Variants in GOLGA5 observed in about 807,000 individuals in gnomAD.
GOLGA5 encodes golgin A5, also known as golgin subfamily A member 5.
In GOLGA5, 50 loss-of-function variants were observed where a neutral mutation model predicts 93.5. That is an observed-to-expected ratio of 0.53 (90% CI 0.43 to 0.68). The LOEUF is 0.68. GOLGA5 is among the 30% of genes least tolerant of loss of function. The probability of loss-of-function intolerance (pLI) is 0.00; values close to 1 mark genes in which losing one functional copy is unlikely to be tolerated. For missense variants in GOLGA5, 760 were observed against 856.4 expected (o/e 0.89, Z 1.40); for synonymous variants, 312 against 304.5 (o/e 1.02, Z -0.26).
rs1885716058 is a variant in GOLGA5, at chr14:92,839,543, ATTATT to A, written c.*102_*106del. On this transcript the variant is annotated 3_prime_UTR_variant, in exon 13 of 13. Coordinates refer to ENST00000163416, the MANE Select transcript of GOLGA5 (RefSeq NM_005113.4). Reference sequence around the variant, plus strand: ...AAAATTTCTGAGAACAGTGCACAAGATTATTTTATCACTACAAGCTTTTAACTTTT... The same window carrying A: ...AAAATTTCTGAGAACAGTGCACAAGATTATCACTACAAGCTTTTAACTTTT... 2.7e-6 allele frequency: 2 copies of A among 741,906 alleles called. No homozygotes were observed. Among genetic ancestry groups the A allele is most frequent in the Admixed American group, 2.1e-5 (1 of 47,852 alleles). The allele number at this position is 741,906 out of a possible 1,614,324, so 46.0% of individuals were successfully genotyped here.
chr14:92,809,806 A>C (rs1595594278), intron 4 of GOLGA5, among the ~76,000 whole-genome samples: 1 of 152,250 alleles, frequency 6.6e-6, no homozygotes, highest in East Asian at 1.9e-4. Context: ...ATACAGAAAA[A>C]AAATTAGCCG....
rs143810800 is a variant in GOLGA5, at chr14:92,836,615, T to C, written c.2052-771T>C. ...ATTGCTTCCACACTATTTATTCAAA[T>C]GCATGAGTTTATAGCTTTGTACCTT... On this transcript the variant is annotated intron_variant, in intron 11 of 12. Coordinates refer to ENST00000163416, the MANE Select transcript of GOLGA5 (RefSeq NM_005113.4). Among the ~76,000 whole-genome samples the C allele has an allele frequency of 2.6e-3, 401 of 152,302 alleles. 2 individuals are homozygous for C. The highest frequency in any genetic ancestry group is 9.1e-3 in the African/African-American group (380 of 41,562).
chr14:92,817,195 C>T (rs1367848187), intron 7 of GOLGA5, among the ~76,000 whole-genome samples: 1 of 152,136 alleles, frequency 6.6e-6, no homozygotes, highest in Non-Finnish European at 1.5e-5. Context: ...CCCACCTCGG[C>T]CTCCCAAAGT....
At chr14:92,827,263 G>C (rs990045518) in intron 9 of GOLGA5, among the ~76,000 whole-genome samples, 2 of 151,718 alleles carry the variant, frequency 1.3e-5, no homozygotes, top group African/African-American at 4.8e-5. Context: ...CCTGCATCAA[G>C]CAAGTCTGTC....
intron 2 of GOLGA5, among the ~76,000 whole-genome samples, chr14:92,804,358 G>A (rs532717357): frequency 1.6e-4 from 24 of 151,912 alleles, no homozygotes; most frequent in African/African-American, 4.8e-4. Context: ...GAGCCACCAC[G>A]CCTGGCCTAC....
chr14:92,831,526 A>G (rs1885530574), intron 9 of GOLGA5, among the ~76,000 whole-genome samples: 1 of 152,166 alleles, frequency 6.6e-6, no homozygotes, highest in African/African-American at 2.4e-5. Flanking sequence ...CAGAATAGTG[A>G]TTGTCTAGGG....
chr14:92,838,714 T>G (rs951085941), intron 12 of GOLGA5, among the ~76,000 whole-genome samples: 4 of 152,148 alleles, frequency 2.6e-5, no homozygotes, highest in Non-Finnish European at 5.9e-5. Context: ...AAAAAAAAAT[T>G]GAATGGCATC....
At position 92,839,815 on chromosome 14, in the gene GOLGA5, G is replaced by GTT. The variant is rs35119877; in HGVS notation, c.*377_*378dup. 8.3e-3 allele frequency: 1,688 copies of GTT among 203,984 alleles called. No individual in the cohort carries two copies. Among genetic ancestry groups the GTT allele is most frequent in the Middle Eastern group, 0.022 (13 of 596 alleles). 12.6% of individuals were successfully genotyped at this position (203,984 alleles called of 1,614,324 possible). ...TTGTATTTAGTGACAAAAATAAAAA[G>GTT]TTTTTTTTTATAATTCAGTCTGCTT... On this transcript the variant is annotated 3_prime_UTR_variant, in exon 13 of 13. Transcript: ENST00000163416.
At chr14:92,810,129 CTAAGAA>C in intron 4 of GOLGA5, 119 bp from the exon 5 acceptor site, 1 of 638,656 alleles carries the variant, frequency 1.6e-6, no homozygotes, top group Non-Finnish European at 2.7e-6. Flanking sequence ...AAAGATTTAT[CTAAGAA>C]TATTTCAGTC....
At chr14:92,829,875 ATCTTATT>A (rs1885492927) in intron 9 of GOLGA5, among the ~76,000 whole-genome samples, 1 of 152,000 alleles carries the variant, frequency 6.6e-6, no homozygotes, top group Non-Finnish European at 1.5e-5. Context: ...CTTTGTTGTT[ATCTTATT>A]TTAAGAAATT....
chr14:92,809,005 T>C (rs1885049173), intron 3 of GOLGA5, among the ~76,000 whole-genome samples: 1 of 152,224 alleles, frequency 6.6e-6, no homozygotes. Flanking sequence ...TTACAAAATA[T>C]ACTCTGCTAT....
intron 2 of GOLGA5, among the ~76,000 whole-genome samples, chr14:92,799,730 C>T (rs11847520): frequency 3.2e-3 from 486 of 152,224 alleles, no homozygotes; most frequent in Middle Eastern, 0.014. Context: ...TTCAGCCTCC[C>T]GAGTAGCTGG....
intron 11 of GOLGA5, among the ~76,000 whole-genome samples, chr14:92,836,550 G>GA (rs1483033316): frequency 5.3e-5 from 8 of 152,120 alleles, no homozygotes; most frequent in Admixed American, 3.3e-4. Flanking sequence ...TCTTGATAGG[G>GA]AAAAAAATGT....
In GOLGA5 at chr14:92,797,878, A is replaced by G. The variant is rs1302448205; in HGVS notation, c.441A>G (p.Thr147=). Residue 147 remains threonine (T), a synonymous_variant, in exon 2 of 13, where the codon ACA becomes ACG. Coordinates refer to ENST00000163416, the MANE Select transcript of GOLGA5 (RefSeq NM_005113.4). The stretch of plus-strand genomic sequence containing the variant: ...AAATCAGAAAGGAAAAAGGCAAGAC[A>G]CCTGTCTTTCAGAGCTCTCAGACAT... ...RVEIRKEKGK[T]PVFQSSQTSS... is the part of the protein sequence containing the mutation. 1.9e-6 allele frequency: 3 copies of G among 1,612,684 alleles called. No homozygotes were observed. Among genetic ancestry groups the G allele is most frequent in the Admixed American group, 1.7e-5 (1 of 60,026 alleles).
chr14:92,799,282 TTTTTTC>T (rs1595588791), intron 2 of GOLGA5, among the ~76,000 whole-genome samples: 1 of 144,198 alleles, frequency 6.9e-6, no homozygotes, highest in Admixed American at 6.8e-5. Flanking sequence ...ATTTTTTTTT[TTTTTTC>T]TTTTTTGAGA....
At chr14:92,818,040 C>G (rs956146920) in intron 7 of GOLGA5, among the ~76,000 whole-genome samples, 2 of 151,722 alleles carry the variant, frequency 1.3e-5, no homozygotes, top group Non-Finnish European at 2.9e-5. Flanking sequence ...AATTTGAATT[C>G]CAAAGAATTC....
chr14:92,827,979 G>A (rs1237365744), intron 9 of GOLGA5, among the ~76,000 whole-genome samples: 1 of 152,190 alleles, frequency 6.6e-6, no homozygotes, highest in African/African-American at 2.4e-5. Context: ...CAGAGGTTTG[G>A]TTTTGAGGTG....
intron 2 of GOLGA5, among the ~76,000 whole-genome samples, 183 bp from the exon 3 acceptor site, chr14:92,806,553 T>C (rs1884989738): frequency 6.6e-6 from 1 of 152,092 alleles, no homozygotes; most frequent in Admixed American, 6.6e-5. Context: ...CCTCAAGTGA[T>C]CTCCCTGCCT....
intron 12 of GOLGA5, among the ~76,000 whole-genome samples, chr14:92,838,633 T>G (rs1885696228): frequency 2.0e-5 from 3 of 152,156 alleles, no homozygotes; most frequent in African/African-American, 7.2e-5. Flanking sequence ...CCCAAAGTGC[T>G]GGGATTACAG....
Sources: gnomAD v4.1 joint callset for allele counts (sites outside exome capture counted in the v4.1 genomes callset) on GRCh38, gnomAD v4.1.1 for gene constraint, MANE v1.5 for transcripts, NCBI Gene and HGNC (gene_info 2026-07-23, HGNC 2026-07-21) for gene names.